Variants in TCERG1L observed in about 807,000 individuals in gnomAD.
TCERG1L encodes the protein transcription elongation regulator 1-like protein.
In TCERG1L, 37 loss-of-function variants were observed where a neutral mutation model predicts 56.3. That is an observed-to-expected ratio of 0.66 (90% confidence interval 0.51 to 0.87). The LOEUF (loss-of-function observed/expected upper bound fraction) is 0.87. TCERG1L is among the 40% of genes least tolerant of loss of function. The pLI, the probability that TCERG1L is intolerant of heterozygous loss-of-function variation, is 0.00. For synonymous variants in TCERG1L, 324 were observed against 326.3 expected, an observed-to-expected ratio of 0.99 and a Z score of 0.08; for missense variants, 799 against 774.2, an observed-to-expected ratio of 1.03 and a Z score of -0.38.
At chr10:131,222,683 C>A (rs1564819365) in intron 4 of TCERG1L, among the ~76,000 whole-genome samples, 1 of 152,220 alleles carries the variant, frequency 6.6e-6, no homozygotes, top group Non-Finnish European at 1.5e-5. Flanking sequence ...TCACCCTACT[C>A]AGGAAAGACT....
chr10:131,295,455 A>G (rs1846679083), intron 3 of TCERG1L, among the ~76,000 whole-genome samples: 1 of 152,240 alleles, frequency 6.6e-6, no homozygotes, highest in African/African-American at 2.4e-5. Context: ...ACCACGTGGT[A>G]TTGCCAGGTT....
At chr10:131,212,295 C>T (rs549195116) in intron 4 of TCERG1L, among the ~76,000 whole-genome samples, 1 of 152,330 alleles carries the variant, frequency 6.6e-6, no homozygotes, top group South Asian at 2.1e-4. Context: ...ACACAAAGGT[C>T]TTGAAGGGAG....
chr10:131,228,895 A>C (rs1223904103), intron 4 of TCERG1L, among the ~76,000 whole-genome samples: 6 of 92,944 alleles, frequency 6.5e-5, no homozygotes, highest in Non-Finnish European at 6.4e-5. Context: ...TCAAGGCCTC[A>C]CGAGTCTCCC....
chr10:131,243,439 G>A (rs998223429), intron 4 of TCERG1L, among the ~76,000 whole-genome samples: 6 of 152,072 alleles, frequency 3.9e-5, no homozygotes, highest in Non-Finnish European at 1.5e-5. Flanking sequence ...AAATTAGCTC[G>A]GTGTAGTGGT....
At chr10:131,304,994 A>C (rs1846805345) in intron 3 of TCERG1L, among the ~76,000 whole-genome samples, 1 of 152,056 alleles carries the variant, frequency 6.6e-6, no homozygotes, top group Admixed American at 6.5e-5. Context: ...TGATTACAAA[A>C]TGCTCCCCTT....
intron 4 of TCERG1L, among the ~76,000 whole-genome samples, chr10:131,214,801 T>C (rs543583117): frequency 7.5e-4 from 115 of 152,356 alleles, no homozygotes; most frequent in Non-Finnish European, 1.3e-3. Context: ...ATGTGCCCAC[T>C]GAGAAAGACA....
chr10:131,264,630 G>C (rs1846267693), intron 3 of TCERG1L, among the ~76,000 whole-genome samples: 1 of 152,180 alleles, frequency 6.6e-6, no homozygotes, highest in Non-Finnish European at 1.5e-5. Context: ...CGGGCCCTGG[G>C]GCCAGTCACG....
chr10:131,145,844 A>G (rs941383058), intron 7 of TCERG1L, among the ~76,000 whole-genome samples: 4 of 152,272 alleles, frequency 2.6e-5, no homozygotes, highest in Non-Finnish European at 5.9e-5. Flanking sequence ...TTGAATCCAC[A>G]TGCTCTGGGA....
chr10:131,105,043 G>T (rs1845339007), intron 9 of TCERG1L, among the ~76,000 whole-genome samples: 1 of 152,130 alleles, frequency 6.6e-6, no homozygotes, highest in South Asian at 2.1e-4. Context: ...TATCTCCTTG[G>T]ACTCCTCTTG....
At chr10:131,255,687 T>A (rs905986428) in intron 4 of TCERG1L, among the ~76,000 whole-genome samples, 20 of 152,182 alleles carry the variant, frequency 1.3e-4, no homozygotes, top group African/African-American at 4.1e-4. Flanking sequence ...ACGGCTAACG[T>A]AGTTAAAGTC....
intron 6 of TCERG1L, among the ~76,000 whole-genome samples, chr10:131,158,118 A>G (rs1845942580): frequency 6.6e-6 from 1 of 152,266 alleles, no homozygotes; most frequent in African/African-American, 2.4e-5. Context: ...AGTTAAGAAT[A>G]ACTAAGGATG....
chr10:131,231,343 A>G (rs1240008232), intron 4 of TCERG1L, among the ~76,000 whole-genome samples: 2 of 152,184 alleles, frequency 1.3e-5, no homozygotes, highest in African/African-American at 4.8e-5. Context: ...ACAGCTTCCT[A>G]AGAGCCTACC....
At chr10:131,154,417 A>G (rs1564803065) in intron 6 of TCERG1L, among the ~76,000 whole-genome samples, 2 of 152,068 alleles carry the variant, frequency 1.3e-5, no homozygotes, top group Non-Finnish European at 1.5e-5. Flanking sequence ...GTCTCCATCC[A>G]TCTTTCACCC....
intron 6 of TCERG1L, chr10:131,156,280 T>C (rs995588342): frequency 6.6e-6 from 1 of 152,200 alleles, no homozygotes; most frequent in Non-Finnish European, 1.5e-5. Flanking sequence ...AAGTCAAACA[T>C]GCTCAATACC....
chr10:131,175,016 C>T (rs771245197), intron 4 of TCERG1L, among the ~76,000 whole-genome samples: 2 of 152,232 alleles, frequency 1.3e-5, no homozygotes, highest in African/African-American at 2.4e-5. Flanking sequence ...AGCCAGAGTC[C>T]AGATTTTCTC....
At chr10:131,277,794 T>C (rs1254828757) in intron 3 of TCERG1L, among the ~76,000 whole-genome samples, 1 of 151,844 alleles carries the variant, frequency 6.6e-6, no homozygotes, top group Non-Finnish European at 1.5e-5. Flanking sequence ...GGTCAAAAGG[T>C]GCCCGGAGGA....
At chr10:131,158,754 C>A (rs372214705) in intron 6 of TCERG1L, among the ~76,000 whole-genome samples, 1 of 152,222 alleles carries the variant, frequency 6.6e-6, no homozygotes, top group African/African-American at 2.4e-5. Context: ...TGGCTGAGGG[C>A]GGCCTGGTCT....
At chr10:131,170,952 C>T (rs1257354955) in intron 4 of TCERG1L, among the ~76,000 whole-genome samples, 1 of 152,150 alleles carries the variant, frequency 6.6e-6, no homozygotes, top group East Asian at 1.9e-4. Context: ...TCAAGACCAG[C>T]CTGGCCAAGA....
At chr10:131,266,035 AACTCAGTCTATGTAATAT>A (rs1266624561) in intron 3 of TCERG1L, among the ~76,000 whole-genome samples, 1 of 152,246 alleles carries the variant, frequency 6.6e-6, no homozygotes, top group Non-Finnish European at 1.5e-5. Flanking sequence ...CTGCTTTATC[AACTCAGTCTATGTAATAT>A]TCTAAATCCT....
Sources: allele counts gnomAD v4.1 joint callset (sites outside exome capture counted in the v4.1 genomes callset), GRCh38; gene constraint gnomAD v4.1.1; transcripts MANE v1.5; gene names NCBI Gene and HGNC (gene_info 2026-07-23, HGNC 2026-07-21).